The following WNK1 variants were observed in gnomAD, a reference collection of about 807,000 sequenced individuals.
WNK1 encodes WNK lysine deficient protein kinase 1.
In WNK1, 38 loss-of-function variants were observed where a neutral mutation model predicts 222.8. The ratio of observed to expected loss-of-function variants is 0.17; its 90% CI spans 0.13 to 0.22. The LOEUF (loss-of-function observed/expected upper bound fraction) is 0.22. WNK1 is among the 10% of genes least tolerant of loss of function. The pLI is 1.00. For missense variants in WNK1, 2,348 were observed against 2,918.4 expected, an observed-to-expected ratio of 0.80 and a Z score of 4.50; for synonymous variants, 1,090 against 1,092.9, an observed-to-expected ratio of 1.00 and a Z score of 0.05.
rs1185244159 is a variant in WNK1 at position 830,172 on chromosome 12, CCTAA to C, written c.1311+15_1311+18del. 1.2e-6 allele frequency: 2 copies of C among 1,613,776 alleles called. No homozygotes were observed. Among genetic ancestry groups the C allele is most frequent in the African/African-American group, 1.3e-5 (1 of 74,860 alleles). ...GTCGCGTGACCAGTGTAAGTCTTCC[CCTAA>C]CTGATTGTTGAACTTGGGGCATATC... On this transcript the variant is annotated intron_variant, in intron 4 of 27. Coordinates refer to ENST00000315939, the MANE Select transcript of WNK1 (RefSeq NM_018979.4).
At chr12:814,586 G>A (rs1947185533) in intron 2 of WNK1, among the ~76,000 whole-genome samples, 2 of 152,020 alleles carry the variant, frequency 1.3e-5, no homozygotes, top group Non-Finnish European at 2.9e-5. Flanking sequence ...ACAGAAATAG[G>A]TTTAATGCAG....
intron 7 of WNK1, 29 bp downstream of exon 7, chr12:861,372 G>A (rs762935749): frequency 1.9e-6 from 3 of 1,608,404 alleles, no homozygotes; most frequent in South Asian, 2.2e-5. Context: ...GGACAGATAG[G>A]CTAATGATTC....
chr12:908,830 G>C lies in WNK1; in HGVS notation c.*38G>C. On this transcript the variant is annotated 3_prime_UTR_variant, in exon 28 of 28. Coordinates refer to ENST00000315939, the MANE Select transcript of WNK1 (RefSeq NM_018979.4). ...TAACTGAATAGATCTGGGGGCAGGA[G>C]ATGGAATGCTGAGGGGGTGGGTGGG... The C allele has an allele frequency of 3.2e-6, 2 of 627,062 alleles. No individual in the cohort carries two copies. Among genetic ancestry groups the C allele is most frequent in the Non-Finnish European group, 5.6e-6 (2 of 355,806 alleles). 38.8% of individuals were successfully genotyped at this position (627,062 alleles called of 1,614,324 possible). A position where few individuals can be genotyped will look rare whatever the true frequency, so the allele number is the denominator to read the frequency against.
At chr12:896,006 A>T in intron 23 of WNK1, 65 bp from the exon 24 acceptor site, 1 of 1,602,266 alleles carries the variant, frequency 6.2e-7, no homozygotes, top group Admixed American at 1.7e-5. Flanking sequence ...TCCTTTTTTA[A>T]ATTGTCTGTG....
In WNK1 at chr12:884,547, C is replaced by T; in HGVS notation, c.3845-102C>T. Reference sequence around the variant, plus strand: ...TTTAAGATTACTCCATATTTTTTATCAAAAACAGATATTTATAGGAGCTGA... The same window carrying T: ...TTTAAGATTACTCCATATTTTTTATTAAAAACAGATATTTATAGGAGCTGA... On this transcript the variant is annotated intron_variant, in intron 18 of 27. Transcript: ENST00000315939. The surrounding 1 kb of genome is among the most constrained non-coding windows in gnomAD (Gnocchi z 5.6). 4.8e-6 allele frequency: 6 copies of T among 1,240,894 alleles called. No individual in the cohort carries two copies. In the South Asian group the frequency reaches 6.3e-5, roughly 13 times the overall value. 76.9% of individuals were successfully genotyped at this position (1,240,894 alleles called of 1,614,324 possible).
chr12:847,801 CTTTTTTTTT>C (rs898832948), intron 4 of WNK1, among the ~76,000 whole-genome samples: 4 of 68,648 alleles, frequency 5.8e-5, no homozygotes, highest in Non-Finnish European at 7.9e-5. Flanking sequence ...GATTAATTCT[CTTTTTTTTT>C]TTTTTTTTTT....
chr12:882,181 C>T, intron 14 of WNK1, 108 bp downstream of exon 14: 2 of 1,295,460 alleles, frequency 1.5e-6, no homozygotes, highest in Non-Finnish European at 2.2e-6. Context: ...ATAAAGATAA[C>T]TATCTGTGTG....
chr12:883,674 GACA>G, intron 16 of WNK1, 97 bp from the exon 17 acceptor site: 1 of 1,595,052 alleles, frequency 6.3e-7, no homozygotes, highest in Admixed American at 1.7e-5. Context: ...ACCCATGACC[GACA>G]ACAAACTTTT....
intron 4 of WNK1, chr12:851,654 T>A: frequency 3.1e-6 from 4 of 1,297,582 alleles, no homozygotes; most frequent in Non-Finnish European, 4.0e-6. Flanking sequence ...ATTTTTTCCT[T>A]CATTTTCCTC....
At position 910,752 on chromosome 12, in the gene WNK1, A is replaced by G. The variant is rs1343358660; in HGVS notation, c.*1960A>G. 1 of 152,460 alleles carries G rather than the reference A, an allele frequency of 6.6e-6. No homozygotes were observed. The highest frequency in any genetic ancestry group is 1.5e-5 in the Non-Finnish European group (1 of 68,198). The allele number at this position is 152,460 out of a possible 1,614,324, so 9.4% of individuals were successfully genotyped here. On this transcript the variant is annotated 3_prime_UTR_variant, in exon 28 of 28. Coordinates refer to ENST00000315939, the MANE Select transcript of WNK1 (RefSeq NM_018979.4). ...GGCTGGAGGCTCCTGTACCCTGTTC[A>G]TTCCTTAAGGGCCCTGCTTCCCTTA... is the stretch of plus-strand genomic sequence containing the variant.
intron 4 of WNK1, among the ~76,000 whole-genome samples, chr12:835,702 C>T (rs995285481): frequency 6.6e-6 from 1 of 152,112 alleles, no homozygotes; most frequent in African/African-American, 2.4e-5. Flanking sequence ...CCTGTAATCC[C>T]AGAACTTTGG....
intron 9 of WNK1, among the ~76,000 whole-genome samples, chr12:874,573 G>A (rs938579515): frequency 3.3e-5 from 5 of 152,040 alleles, no homozygotes; most frequent in South Asian, 2.1e-4. Context: ...AAGGTCTACC[G>A]AGCTGGACCA....
chr12:830,172 C>T lies in WNK1; in HGVS notation c.1311+12C>T, dbSNP rs746102713. On this transcript the variant is annotated intron_variant, in intron 4 of 27. Coordinates refer to ENST00000315939, the MANE Select transcript of WNK1 (RefSeq NM_018979.4). ...GTCGCGTGACCAGTGTAAGTCTTCC[C>T]CTAACTGATTGTTGAACTTGGGGCA... 1 of 1,613,894 alleles carries T rather than the reference C, an allele frequency of 6.2e-7. No individual in the cohort carries two copies. Among genetic ancestry groups the T allele is most frequent in the South Asian group, 1.1e-5 (1 of 91,070 alleles).
chr12:808,241 G>C (rs1946563025), intron 1 of WNK1, among the ~76,000 whole-genome samples: 2 of 151,986 alleles, frequency 1.3e-5, no homozygotes, highest in African/African-American at 2.4e-5. Context: ...TCTAAGTTTT[G>C]CTATGCAATA....
At chr12:821,218 T>G (rs1461341813) in intron 2 of WNK1, among the ~76,000 whole-genome samples, 1 of 152,174 alleles carries the variant, frequency 6.6e-6, no homozygotes, top group East Asian at 1.9e-4. Context: ...TATAATCCTT[T>G]TACTATGCAG....
intron 6 of WNK1, among the ~76,000 whole-genome samples, chr12:859,731 A>C (rs1226835819): frequency 6.8e-6 from 1 of 147,440 alleles, no homozygotes; most frequent in East Asian, 2.0e-4. Flanking sequence ...TGATGGAGAG[A>C]GAGACAGGGT....
intron 1 of WNK1, among the ~76,000 whole-genome samples, chr12:801,507 TAAGGGATCCTCCC>T (rs1376818147): frequency 2.0e-4 from 30 of 150,524 alleles, no homozygotes; most frequent in Admixed American, 9.3e-4. Flanking sequence ...CTCCTGGGCT[TAAGGGATCCTCCC>T]ACCTCAGCCT....
intron 1 of WNK1, among the ~76,000 whole-genome samples, chr12:791,823 C>T (rs566990414): frequency 6.6e-6 from 1 of 151,924 alleles, no homozygotes; most frequent in Non-Finnish European, 1.5e-5. Flanking sequence ...TTCTTTTTAG[C>T]CTTTTTATTT....
Position 881,703 on chromosome 12 carries a change from A to G in WNK1, c.3123A>G (p.Gly1041=). The change falls in exon 13 of 28, where the codon GGA becomes GGG. Residue 1041 remains glycine, a synonymous_variant. Coordinates refer to ENST00000315939, the MANE Select transcript of WNK1 (RefSeq NM_018979.4). ...SQQAVLESTQ[G]VSQVAPAEPV... Reference sequence around the variant, plus strand: ...TTTTCGATTCACAGAGTACTCAGGGAGTCTCTCAGGTTGCTCCTGCAGAGC... The same window carrying G: ...TTTTCGATTCACAGAGTACTCAGGGGGTCTCTCAGGTTGCTCCTGCAGAGC... The G allele has an allele frequency of 1.2e-6, 2 of 1,613,850 alleles. No individual in the cohort carries two copies. Among genetic ancestry groups the G allele is most frequent in the South Asian group, 2.2e-5 (2 of 91,068 alleles).
Sources: gnomAD v4.1 joint callset for allele counts (sites outside exome capture counted in the v4.1 genomes callset) on GRCh38, gnomAD v4.1.1 for gene constraint, Gnocchi (gnomAD v3.1) non-coding constraint, MANE v1.5 for transcripts, NCBI Gene and HGNC (gene_info 2026-07-23, HGNC 2026-07-21) for gene names.